The following MATR3 variants were observed in gnomAD, a reference collection of about 807,000 sequenced individuals.
MATR3 encodes the protein matrin 3, also known as matrin-3.
MATR3 carries 4 observed loss-of-function variants against 85.5 expected under a neutral mutation model. The ratio of observed to expected loss-of-function variants is 0.05; its 90% confidence interval spans 0.02 to 0.11. The LOEUF is 0.11. Among genes scored for constraint, MATR3 ranks in the 10% least tolerant of loss-of-function variants. The pLI, the probability that MATR3 is intolerant of heterozygous loss-of-function variation, is 1.00. For synonymous variants in MATR3, 336 were observed against 343.1 expected (o/e 0.98, Z 0.23); for missense variants, 685 against 1,016.1 (o/e 0.67, Z 4.43).
intron 1 of MATR3, among the ~76,000 whole-genome samples, chr5:139,303,048 G>GT (rs758720111): frequency 0.018 from 2,462 of 136,910 alleles, 52 homozygotes; most frequent in African/African-American, 0.052. Context: ...CAAATTAGTT[G>GT]TTTTTTTTTT....
chr5:139,286,791 C>G lies in MATR3; in HGVS notation c.-178+7662C>G, dbSNP rs1028080649. Among the ~76,000 whole-genome samples the G allele has an allele frequency of 1.5e-3, 226 of 151,316 alleles. 1 individual carries two copies. Among genetic ancestry groups the G allele is most frequent in the Non-Finnish European group, 1.6e-4 (11 of 67,918 alleles). On this transcript the variant is annotated intron_variant, in intron 3 of 16. Transcript: ENST00000509990. ...CCTGGGAGGCGGAGGTTGCAGTGAGCCAAGATCATGCCACTATACTCCAGC... is the reference window on the plus strand; with the variant it reads ...CCTGGGAGGCGGAGGTTGCAGTGAGGCAAGATCATGCCACTATACTCCAGC...
intron 2 of MATR3, chr5:139,278,743 A>T (rs1215004974): frequency 2.0e-6 from 1 of 496,900 alleles, no homozygotes; most frequent in African/African-American, 1.9e-5. Flanking sequence ...GTGCCTAGGT[A>T]TCTGAAACAA....
chr5:139,293,913 C>A, intron 1 of MATR3, 108 bp downstream of exon 1: 1 of 1,166,882 alleles, frequency 8.6e-7, no homozygotes, highest in Non-Finnish European at 1.1e-6. Flanking sequence ...GGCGGCGCGC[C>A]TTTCTTGCTC....
Position 139,301,481 on chromosome 5 carries a change from G to A in MATR3, c.-177-5758G>A, listed in dbSNP as rs1356721099. On this transcript the variant is annotated intron_variant, in intron 1 of 14. Transcript: ENST00000394805. ...ACTACAGGCGTGTGCCACCACACCC[G>A]GCTAATTTTTGTATTTTTTAGTAGA... Among the ~76,000 whole-genome samples the A allele has an allele frequency of 2.6e-5, 4 of 152,030 alleles. No individual in the cohort carries two copies. In the East Asian group the frequency reaches 5.8e-4, roughly 22 times the overall value.
At chr5:139,286,965 G>T (rs1225169243) in intron 3 of MATR3, among the ~76,000 whole-genome samples, 7 of 152,070 alleles carry the variant, frequency 4.6e-5, no homozygotes, top group African/African-American at 1.7e-4. Flanking sequence ...CTTTTATTTT[G>T]TTTTATTTTG....
At chr5:139,317,242 A>G (rs1015301430) in intron 6 of MATR3, 137 bp downstream of exon 6, 9 of 917,488 alleles carry the variant, frequency 9.8e-6, no homozygotes, top group South Asian at 5.7e-5. Flanking sequence ...ACGTTTTTCT[A>G]TGGCTTTGAT....
At chr5:139,328,937 G>C (rs968480772) in intron 14 of MATR3, among the ~76,000 whole-genome samples, 1 of 151,902 alleles carries the variant, frequency 6.6e-6, no homozygotes, top group Admixed American at 6.6e-5. Context: ...CCTGGGAGGT[G>C]GAGGTTGCAG....
At chr5:139,294,126 C>G in intron 1 of MATR3, 1 of 1,143,604 alleles carries the variant, frequency 8.7e-7, no homozygotes, top group South Asian at 3.2e-5. Flanking sequence ...GAGCTTCCTG[C>G]GCGTCCTGGG....
rs374886373 is a variant in MATR3 at position 139,308,365 on chromosome 5, A to G, written c.912+38A>G. The G allele has an allele frequency of 1.2e-4, 188 of 1,610,972 alleles. 2 individuals are homozygous for G. In the Middle Eastern group the frequency reaches 4.3e-3, roughly 37 times the overall value. ...AACAGATGCTTCTAATTTCTTTTACATTGTAGTGCCTATTTACCTATATCT... is the reference window on the plus strand; with the variant it reads ...AACAGATGCTTCTAATTTCTTTTACGTTGTAGTGCCTATTTACCTATATCT... On this transcript the variant is annotated intron_variant, in intron 2 of 14. Coordinates refer to ENST00000394805, the MANE Select transcript of MATR3 (RefSeq NM_018834.6).
At chr5:139,315,924 T>A in intron 4 of MATR3, 152 bp from the exon 5 acceptor site, 1 of 764,666 alleles carries the variant, frequency 1.3e-6, no homozygotes, top group Non-Finnish European at 2.2e-6. Context: ...ATTCTTTTAT[T>A]GTTAATGTAG....
intron 3 of MATR3, among the ~76,000 whole-genome samples, chr5:139,288,008 C>T (rs944336174): frequency 2.6e-5 from 4 of 151,996 alleles, no homozygotes; most frequent in African/African-American, 9.7e-5. Flanking sequence ...CCCAGGAGTT[C>T]GACACCAGCC....
intron 2 of MATR3, chr5:139,278,322 T>A (rs1210597486): frequency 4.4e-6 from 2 of 453,918 alleles, no homozygotes; most frequent in Admixed American, 4.7e-5. Context: ...TGTCTTCCTT[T>A]TTAGGATGAC....
At chr5:139,326,674 C>T (rs1755869137) in intron 14 of MATR3, among the ~76,000 whole-genome samples, 1 of 152,196 alleles carries the variant, frequency 6.6e-6, no homozygotes, top group Admixed American at 6.5e-5. Flanking sequence ...ATCCACCCAC[C>T]TCAGCCTCCC....
At chr5:139,322,392 C>A (rs1755617099) in intron 10 of MATR3, 71 bp from the exon 11 acceptor site, 1 of 1,371,438 alleles carries the variant, frequency 7.3e-7, no homozygotes, top group South Asian at 1.2e-5. Flanking sequence ...GGATTGTCTC[C>A]AATTATTAAT....
intron 1 of MATR3, among the ~76,000 whole-genome samples, chr5:139,296,354 G>A (rs538917133): frequency 6.6e-6 from 1 of 152,246 alleles, no homozygotes; most frequent in Non-Finnish European, 1.5e-5. Context: ...AACTGCTAAT[G>A]TCGTTTGATT....
exon 1 of MATR3, chr5:139,274,146 C>T (rs1004258683): frequency 9.2e-6 from 4 of 433,038 alleles, no homozygotes; most frequent in Non-Finnish European, 9.1e-6. Flanking sequence ...CCCTGCGGAG[C>T]TCCGAACACG....
Position 139,331,114 on chromosome 5 carries a change from A to C in MATR3, c.*1719A>C, listed in dbSNP as rs755934666. ...CCAAGAAACAAAGTTTTAATTTCAAAAAAATCTACAAAAACAGGATAGGCA... is the reference window on the plus strand; with the variant it reads ...CCAAGAAACAAAGTTTTAATTTCAACAAAATCTACAAAAACAGGATAGGCA... On this transcript the variant is annotated 3_prime_UTR_variant, in exon 15 of 15. Transcript: ENST00000394805. 16 of 453,964 alleles carry C rather than the reference A, an allele frequency of 3.5e-5. No individual in the cohort carries two copies. The highest frequency in any genetic ancestry group is 6.6e-5 in the Non-Finnish European group (15 of 226,792). The allele number at this position is 453,964 out of a possible 1,614,324, so 28.1% of individuals were successfully genotyped here. A position where few individuals can be genotyped will look rare whatever the true frequency, so the allele number is the denominator to read the frequency against.
chr5:139,303,173 C>T lies in MATR3; in HGVS notation c.-177-4066C>T, dbSNP rs547164174. On this transcript the variant is annotated intron_variant, in intron 1 of 14. Transcript: ENST00000394805. ...CTGGAGTGCAGTGCCCCAATCTCGGCTCAGTGCAGCCTCCATCTCCCAGGT... is the reference window on the plus strand; with the variant it reads ...CTGGAGTGCAGTGCCCCAATCTCGGTTCAGTGCAGCCTCCATCTCCCAGGT... Among the ~76,000 whole-genome samples, 4 of 152,262 alleles carry T rather than the reference C, an allele frequency of 2.6e-5. No homozygotes were observed. The East Asian group carries it at 7.7e-4, about 29-fold the overall frequency.
At position 139,307,639 on chromosome 5, in the gene MATR3, C is replaced by G; in HGVS notation, c.224C>G (p.Ser75Cys). 1 of 1,614,180 alleles carries G rather than the reference C, an allele frequency of 6.2e-7. No homozygotes were observed. Among genetic ancestry groups the G allele is most frequent in the South Asian group, 1.1e-5 (1 of 91,082 alleles). The change falls in exon 2 of 15, where the codon TCT becomes TGT. Residue 75 changes from serine (S) to cysteine (C), a missense_variant. Ser to Cys is a moderately radical substitution (Grantham distance 112). Coordinates refer to ENST00000394805, the MANE Select transcript of MATR3 (RefSeq NM_018834.6). This position sits in a 1 kb window ranked among gnomAD's most constrained non-coding sequence, Gnocchi z 4.4. Reference protein sequence around the residue: ...NQQGAHSALSSASTSSHNLQS... With the variant: ...NQQGAHSALSCASTSSHNLQS... The stretch of plus-strand genomic sequence containing the variant: ...CAAGGAGCTCATAGTGCACTGTCTT[C>G]TGCTAGTACTTCTTCCCATAATTTG...
Sources: gnomAD v4.1 joint callset for allele counts (sites outside exome capture counted in the v4.1 genomes callset) on GRCh38, gnomAD v4.1.1 for gene constraint, Gnocchi (gnomAD v3.1) non-coding constraint, MANE v1.5 for transcripts, NCBI Gene and HGNC (gene_info 2026-07-23, HGNC 2026-07-21) for gene names.